BLTP3B: variants seen among roughly 807,000 people sequenced by gnomAD.
The protein encoded by BLTP3B is bridge-like lipid transfer protein family member 3B.
chr12:100,061,651 C>T, the BLTP3B span, among the ~76,000 whole-genome samples: 41 of 128,472 alleles, frequency 3.2e-4, 1 homozygote, highest in Non-Finnish European at 5.7e-4. Flanking sequence ...AGCGAGACTC[C>T]GTCTCAAAAA....
chr12:100,056,390 T>C, the BLTP3B span, among the ~76,000 whole-genome samples: 5 of 152,180 alleles, frequency 3.3e-5, no homozygotes, highest in Non-Finnish European at 7.3e-5. Context: ...AAAACAGACA[T>C]TGCTTGGCAA....
the BLTP3B span, among the ~76,000 whole-genome samples, chr12:100,038,494 C>G: frequency 6.6e-6 from 1 of 152,090 alleles, no homozygotes; most frequent in Non-Finnish European, 1.5e-5. Context: ...CGCCACCATG[C>G]CCAGCTAATT....
At chr12:100,083,166 T>C in the BLTP3B span, 1 of 1,510,696 alleles carries the variant, frequency 6.6e-7, no homozygotes, top group Non-Finnish European at 9.2e-7. Flanking sequence ...TTCAATTCAT[T>C]GCAAAATTAT....
chr12:100,048,800 G>A, the BLTP3B span, among the ~76,000 whole-genome samples: 1 of 151,274 alleles, frequency 6.6e-6, no homozygotes, highest in East Asian at 1.9e-4. Flanking sequence ...GTGTGTGTGT[G>A]TGTGTGTGTG....
At chr12:100,101,137 T>C in the BLTP3B span, among the ~76,000 whole-genome samples, 1 of 152,184 alleles carries the variant, frequency 6.6e-6, no homozygotes, top group Non-Finnish European at 1.5e-5. Context: ...TAATCTAACC[T>C]GTAAAATCTG....
the BLTP3B span, among the ~76,000 whole-genome samples, chr12:100,092,085 A>C: frequency 6.6e-6 from 1 of 152,164 alleles, no homozygotes; most frequent in Non-Finnish European, 1.5e-5. Flanking sequence ...CTGGGATTAC[A>C]CTGCACCTGG....
chr12:100,077,138 G>A, the BLTP3B span, among the ~76,000 whole-genome samples: 1 of 152,148 alleles, frequency 6.6e-6, no homozygotes, highest in African/African-American at 2.4e-5. Context: ...CTTATAAGAT[G>A]TGGATCCCAT....
the BLTP3B span, among the ~76,000 whole-genome samples, chr12:100,072,177 G>C: frequency 0.088 from 13,427 of 151,988 alleles, 883 homozygotes; most frequent in Non-Finnish European, 0.14. Context: ...CACAAGAATC[G>C]CTTGAACCTG....
the BLTP3B span, among the ~76,000 whole-genome samples, chr12:100,110,334 CAT>C: frequency 6.6e-6 from 1 of 152,164 alleles, no homozygotes; most frequent in Non-Finnish European, 1.5e-5. Context: ...TCATTTAACA[CAT>C]GTATTTGACC....
chr12:100,064,925 C>T, the BLTP3B span, among the ~76,000 whole-genome samples: 1 of 144,810 alleles, frequency 6.9e-6, no homozygotes, highest in Non-Finnish European at 1.5e-5. Context: ...ATACAAGCAA[C>T]GAATAGCATG....
At chr12:100,110,309 T>C in the BLTP3B span, among the ~76,000 whole-genome samples, 7 of 152,220 alleles carry the variant, frequency 4.6e-5, no homozygotes, top group African/African-American at 1.4e-4. Flanking sequence ...GGATGTCAAC[T>C]GAGAAATACA....
the BLTP3B span, chr12:100,128,837 A>G: frequency 5.3e-5 from 51 of 961,230 alleles, no homozygotes; most frequent in Non-Finnish European, 6.6e-5. Context: ...GAAAAAAAAA[A>G]CAGTTGCATT....
the BLTP3B span, among the ~76,000 whole-genome samples, chr12:100,100,182 G>C: frequency 6.6e-6 from 1 of 151,888 alleles, no homozygotes; most frequent in Non-Finnish European, 1.5e-5. Context: ...GCGCATGCCT[G>C]TAGTCCCAGC....
the BLTP3B span, among the ~76,000 whole-genome samples, chr12:100,131,553 C>T: frequency 7.2e-5 from 11 of 151,958 alleles, no homozygotes; most frequent in East Asian, 2.1e-3. Context: ...AAAGTTTATA[C>T]ACAACATTCA....
At chr12:100,038,375 G>C in the BLTP3B span, among the ~76,000 whole-genome samples, 1 of 151,782 alleles carries the variant, frequency 6.6e-6, no homozygotes, top group Non-Finnish European at 1.5e-5. Context: ...CGCTCTTGTT[G>C]CCCAGGCTGG....
the BLTP3B span, among the ~76,000 whole-genome samples, chr12:100,133,784 A>G: frequency 6.6e-6 from 1 of 152,236 alleles, no homozygotes; most frequent in Non-Finnish European, 1.5e-5. Flanking sequence ...TGAAAGAGAA[A>G]GACACCTGCT....
the BLTP3B span, chr12:100,097,562 T>C: frequency 1.1e-5 from 16 of 1,500,462 alleles, no homozygotes; most frequent in Non-Finnish European, 1.4e-5. Flanking sequence ...ATGAGAAAAA[T>C]GTAGATTTTT....
chr12:100,086,481 G>C, the BLTP3B span: 26 of 601,828 alleles, frequency 4.3e-5, 1 homozygote, highest in African/African-American at 4.0e-4. Context: ...TTTTATGACG[G>C]CACATTAAGG....
chr12:100,069,412 G>A, the BLTP3B span, among the ~76,000 whole-genome samples: 1 of 151,492 alleles, frequency 6.6e-6, no homozygotes, highest in Non-Finnish European at 1.5e-5. Context: ...ACTGTGGTGG[G>A]TGGGGGTGTT....
Sources: gnomAD v4.1 joint callset for allele counts (sites outside exome capture counted in the v4.1 genomes callset) on GRCh38, gnomAD v4.1.1 for gene constraint, MANE v1.5 for transcripts, NCBI Gene and HGNC (gene_info 2026-07-23, HGNC 2026-07-21) for gene names.